The following TENM2 variants were observed in gnomAD, a reference collection of about 807,000 sequenced individuals.
TENM2 encodes teneurin-2.
TENM2 carries 52 observed loss-of-function variants against 245.2 expected under a neutral mutation model. The ratio of observed to expected loss-of-function variants is 0.21; its 90% CI spans 0.17 to 0.27. The LOEUF (loss-of-function observed/expected upper bound fraction) is 0.27, where lower values mean the gene tolerates loss of function less well. Ranked by LOEUF, TENM2 falls within the 10% of genes least tolerant of loss-of-function variation. TENM2 has a pLI of 1.00. For missense variants in TENM2, 3,046 were observed against 3,666.8 expected (o/e 0.83, Z 4.37); for synonymous variants, 1,363 against 1,438.9 (o/e 0.95, Z 1.19).
intron 2 of TENM2, among the ~76,000 whole-genome samples, chr5:167,382,821 A>G (rs901083212): frequency 1.2e-4 from 18 of 152,220 alleles, no homozygotes; most frequent in Non-Finnish European, 2.4e-4. Context: ...GAAATAGACT[A>G]TGACACATTC....
chr5:167,951,440 C>T (rs1317408283), intron 3 of TENM2, among the ~76,000 whole-genome samples: 3 of 152,154 alleles, frequency 2.0e-5, no homozygotes, highest in Admixed American at 6.5e-5. Flanking sequence ...TAGGCTTCAT[C>T]GCATAGCAAA....
chr5:167,303,516 G>A (rs1207072990), intron 1 of TENM2: 1 of 152,142 alleles, frequency 6.6e-6, no homozygotes, highest in Non-Finnish European at 1.5e-5. Context: ...TGAGCCAGGA[G>A]AAGGAATTTC....
chr5:167,101,128 T>C, the TENM2 span, among the ~76,000 whole-genome samples: 2,315 of 152,334 alleles, frequency 0.015, 59 homozygotes, highest in African/African-American at 0.052. Flanking sequence ...GTCTGTGCTT[T>C]ACAGTTGATG....
chr5:167,046,745 C>T, the TENM2 span, among the ~76,000 whole-genome samples: 2,974 of 150,896 alleles, frequency 0.02, 100 homozygotes, highest in African/African-American at 0.068. Flanking sequence ...CATCCAGGTT[C>T]GTTACATAGG....
At chr5:167,888,314 C>G (rs1309018635) in intron 3 of TENM2, among the ~76,000 whole-genome samples, 1 of 152,186 alleles carries the variant, frequency 6.6e-6, no homozygotes, top group Non-Finnish European at 1.5e-5. Flanking sequence ...AGGCAAGCAC[C>G]CTGTTTCCCT....
At chr5:167,718,724 A>G (rs1582831354) in intron 2 of TENM2, among the ~76,000 whole-genome samples, 1 of 152,220 alleles carries the variant, frequency 6.6e-6, no homozygotes, top group South Asian at 2.1e-4. Flanking sequence ...AGCACAACAA[A>G]GCAGGCTTCA....
At chr5:168,131,612 A>T (rs1754588664) in intron 12 of TENM2, among the ~76,000 whole-genome samples, 1 of 152,220 alleles carries the variant, frequency 6.6e-6, no homozygotes, top group Non-Finnish European at 1.5e-5. Flanking sequence ...TCCAAGAGGG[A>T]GAGTGCTTCA....
the TENM2 span, among the ~76,000 whole-genome samples, chr5:167,219,300 A>AAAACAAAC: frequency 6.6e-6 from 1 of 150,536 alleles, no homozygotes. Context: ...ACCCAATTTC[A>AAAACAAAC]AAACAAACAA....
At chr5:167,615,776 A>G (rs1158441197) in intron 2 of TENM2, among the ~76,000 whole-genome samples, 1 of 152,118 alleles carries the variant, frequency 6.6e-6, no homozygotes, top group African/African-American at 2.4e-5. Context: ...GCAATCACCA[A>G]TTAGTTTGAA....
chr5:167,005,929 G>C, the TENM2 span, among the ~76,000 whole-genome samples: 3 of 151,872 alleles, frequency 2.0e-5, no homozygotes, highest in Admixed American at 2.0e-4. Context: ...TATAGTGCTG[G>C]GATTACAGGT....
intron 2 of TENM2, among the ~76,000 whole-genome samples, chr5:167,391,733 G>C (rs770563052): frequency 6.6e-6 from 1 of 151,988 alleles, no homozygotes; most frequent in Non-Finnish European, 1.5e-5. Context: ...AGGATTTGGG[G>C]CTTATTCATT....
intron 2 of TENM2, among the ~76,000 whole-genome samples, chr5:167,501,568 C>A (rs1374552499): frequency 2.0e-5 from 3 of 152,150 alleles, no homozygotes; most frequent in Non-Finnish European, 4.4e-5. Flanking sequence ...CTCCCTGTCC[C>A]CATTCCCCAA....
chr5:167,647,051 G>A (rs562986688), intron 2 of TENM2, among the ~76,000 whole-genome samples: 2 of 152,290 alleles, frequency 1.3e-5, no homozygotes, highest in South Asian at 4.1e-4. Context: ...GGTTCCAGGA[G>A]TTGAGGCGTG....
At chr5:168,079,368 A>G (rs918953388) in intron 7 of TENM2, among the ~76,000 whole-genome samples, 9 of 152,208 alleles carry the variant, frequency 5.9e-5, no homozygotes, top group Non-Finnish European at 8.8e-5. Context: ...CAATCATGTC[A>G]TCTGCAAACA....
intron 1 of TENM2, among the ~76,000 whole-genome samples, chr5:167,356,917 TTC>T (rs143972465): frequency 0.026 from 3,960 of 152,280 alleles, 172 homozygotes; most frequent in African/African-American, 0.09. Context: ...TATTAAAACA[TTC>T]TCTCTGACCT....
chr5:167,114,813 A>G, the TENM2 span, among the ~76,000 whole-genome samples: 1 of 152,236 alleles, frequency 6.6e-6, no homozygotes, highest in Non-Finnish European at 1.5e-5. Context: ...GAAAGAAGCC[A>G]AAGAGGTGTA....
intron 4 of TENM2, chr5:167,953,392 G>A (rs76459383): frequency 0.026 from 3,978 of 154,172 alleles, 80 homozygotes; most frequent in Middle Eastern, 0.065. Flanking sequence ...CAGCACTTAC[G>A]TGAGGAGGGA....
chr5:167,640,946 A>G (rs1779572598), intron 2 of TENM2, among the ~76,000 whole-genome samples: 1 of 134,136 alleles, frequency 7.5e-6, no homozygotes, highest in African/African-American at 2.7e-5. Flanking sequence ...AGTGGTCCTC[A>G]CATCAGCATA....
At chr5:168,215,861 G>A (rs2152561450) in intron 21 of TENM2, among the ~76,000 whole-genome samples, 1 of 152,300 alleles carries the variant, frequency 6.6e-6, no homozygotes. Context: ...AGCCCAGCGA[G>A]GGGCCTCTGG....
Sources: gnomAD v4.1 joint callset for allele counts (sites outside exome capture counted in the v4.1 genomes callset) on GRCh38, gnomAD v4.1.1 for gene constraint, MANE v1.5 for transcripts, NCBI Gene and HGNC (gene_info 2026-07-23, HGNC 2026-07-21) for gene names.